Variants in RPGRIP1 observed in about 807,000 individuals in gnomAD.
The protein encoded by RPGRIP1 is RPGR interacting protein 1, also known as X-linked retinitis pigmentosa GTPase regulator-interacting protein 1.
In RPGRIP1, 128 loss-of-function variants were observed where a neutral mutation model predicts 157.9. That is an observed-to-expected ratio of 0.81 (90% CI 0.70 to 0.94). The LOEUF is 0.94. Among genes scored for constraint, RPGRIP1 ranks in the 40% least tolerant of loss-of-function variants. The pLI is 0.00. For missense variants in RPGRIP1, 1,486 were observed against 1,545.8 expected, an observed-to-expected ratio of 0.96 and a Z score of 0.65; for synonymous variants, 554 against 571.6, an observed-to-expected ratio of 0.97 and a Z score of 0.44.
chr14:21,345,733 C>T (rs1010026725), intron 23 of RPGRIP1, among the ~76,000 whole-genome samples: 4 of 152,086 alleles, frequency 2.6e-5, no homozygotes, highest in Non-Finnish European at 5.9e-5. Context: ...GTTCATTTCT[C>T]ACCCATGCCA....
At chr14:21,281,699 AAAAT>A (rs1340046596) in intron 1 of RPGRIP1, among the ~76,000 whole-genome samples, 3 of 108,426 alleles carry the variant, frequency 2.8e-5, no homozygotes, top group Admixed American at 9.0e-5. Context: ...AAAAAAAAAA[AAAAT>A]AAATAATAAT....
intron 21 of RPGRIP1, among the ~76,000 whole-genome samples, chr14:21,337,738 C>T (rs1290609616): frequency 1.3e-4 from 19 of 149,028 alleles, no homozygotes; most frequent in African/African-American, 2.7e-4. Flanking sequence ...CCACTGCGCC[C>T]GGCCTAGGTT....
chr14:21,327,804 C>G lies in RPGRIP1; in HGVS notation c.2892C>G (p.Ser964=). The G allele has an allele frequency of 6.3e-7, 1 of 1,588,522 alleles. No homozygotes were observed. The highest frequency in any genetic ancestry group is 8.6e-7 in the Non-Finnish European group (1 of 1,167,190). The part of the protein sequence containing the change: ...SSEEEKASFP[S]QDQMASPEVP... ...AAGAGGAAAAGGCTTCATTTCCTTC[C>G]CAGGTAACTCTCCAGGACTCCACAG... Residue 964 remains serine (S), a synonymous_variant, in exon 18 of 25, where the codon TCC becomes TCG. Coordinates refer to ENST00000400017, the MANE Select transcript of RPGRIP1 (RefSeq NM_020366.4).
At chr14:21,343,279 G>A in intron 22 of RPGRIP1, 51 bp downstream of exon 22, 1 of 1,389,918 alleles carries the variant, frequency 7.2e-7, no homozygotes, top group Non-Finnish European at 1.0e-6. Flanking sequence ...TGAACATTGA[G>A]ACTGAGGGTC....
intron 2 of RPGRIP1, among the ~76,000 whole-genome samples, chr14:21,292,300 T>C (rs1348372827): frequency 6.6e-6 from 1 of 150,756 alleles, no homozygotes; most frequent in Non-Finnish European, 1.5e-5. Flanking sequence ...ATTTTGCAGG[T>C]TCTTTGGTTG....
chr14:21,335,211 T>A (rs2139292431), intron 21 of RPGRIP1, among the ~76,000 whole-genome samples: 1 of 152,210 alleles, frequency 6.6e-6, no homozygotes, highest in South Asian at 2.1e-4. Context: ...GATAAAAGGA[T>A]CATTTTCTTG....
intron 20 of RPGRIP1, 85 bp downstream of exon 20, chr14:21,330,472 G>A (rs949819592): frequency 5.0e-6 from 5 of 991,684 alleles, no homozygotes; most frequent in Non-Finnish European, 6.7e-6. Flanking sequence ...TTCAAGAGCA[G>A]CCTGGCCAAC....
chr14:21,300,789 T>A (rs768987306), intron 3 of RPGRIP1, among the ~76,000 whole-genome samples, 177 bp from the exon 4 acceptor site: 19 of 142,540 alleles, frequency 1.3e-4, no homozygotes, highest in Admixed American at 2.3e-4. Context: ...ACAATGGCCC[T>A]GCCCTCAAAG....
chr14:21,315,563 G>T (rs536157759), intron 10 of RPGRIP1, among the ~76,000 whole-genome samples: 4 of 151,876 alleles, frequency 2.6e-5, no homozygotes, highest in South Asian at 4.1e-4. Context: ...AAGGCAGCAG[G>T]GGGTAGATTG....
Position 21,324,641 on chromosome 14 carries a change from G to T in RPGRIP1, c.1786G>T (p.Gly596Cys). The T allele has an allele frequency of 6.2e-7, 1 of 1,613,702 alleles. No individual in the cohort carries two copies. The highest frequency in any genetic ancestry group is 1.1e-5 in the South Asian group (1 of 91,084). ...TSEQLKDVAYGTRPLSLCLET... is the reference protein window; with the variant it reads ...TSEQLKDVAYCTRPLSLCLET... ...AGAACAGCTCAAAGATGTTGCTTAT[G>T]GCACCCGACCGTTGTCGTTATGTTT... The change falls in exon 15 of 25, where the codon GGC (glycine) becomes TGC (cysteine). Residue 596 changes from glycine (G) to cysteine (C), a missense_variant. Gly to Cys is a radical substitution (Grantham distance 159, BLOSUM62 -3). Coordinates refer to ENST00000400017, the MANE Select transcript of RPGRIP1 (RefSeq NM_020366.4).
chr14:21,330,995 T>A (rs1344324956), intron 20 of RPGRIP1, among the ~76,000 whole-genome samples: 1 of 151,866 alleles, frequency 6.6e-6, no homozygotes, highest in Non-Finnish European at 1.5e-5. Flanking sequence ...CTGCAAGCTC[T>A]GCCTCCTGGG....
At chr14:21,317,224 G>T (rs762693438) in intron 10 of RPGRIP1, among the ~76,000 whole-genome samples, 2 of 152,210 alleles carry the variant, frequency 1.3e-5, no homozygotes, top group African/African-American at 4.8e-5. Context: ...GGATACAGTT[G>T]TTGAAAAGTT....
At chr14:21,311,037 A>G in intron 8 of RPGRIP1, 1 of 457,382 alleles carries the variant, frequency 2.2e-6, no homozygotes, top group Non-Finnish European at 4.4e-6. Context: ...TCTGTGCTTA[A>G]GAATCACCAC....
At chr14:21,309,935 A>G (rs1468322553) in intron 7 of RPGRIP1, among the ~76,000 whole-genome samples, 1 of 31,766 alleles carries the variant, frequency 3.1e-5, no homozygotes, top group Non-Finnish European at 1.1e-4. Context: ...ACTAAAATAC[A>G]AAAATTAGGT....
intron 11 of RPGRIP1, among the ~76,000 whole-genome samples, chr14:21,318,768 C>T (rs1399951225): frequency 6.6e-6 from 1 of 152,170 alleles, no homozygotes; most frequent in East Asian, 1.9e-4. Context: ...AGCCACTACA[C>T]CTGGCTGAAA....
At chr14:21,344,189 G>T (rs1437003617) in intron 22 of RPGRIP1, among the ~76,000 whole-genome samples, 2 of 151,664 alleles carry the variant, frequency 1.3e-5, no homozygotes, top group African/African-American at 2.4e-5. Context: ...TGTTATTATG[G>T]ATATGTAAAT....
In RPGRIP1 at chr14:21,324,919, G is replaced by A. The variant is rs755011150; in HGVS notation, c.2064G>A (p.Ser688=). 2.4e-5 allele frequency: 39 copies of A among 1,613,898 alleles called. No individual in the cohort carries two copies. The highest frequency in any genetic ancestry group is 6.7e-5 in the Admixed American group (4 of 60,002). ...CCCAGTATGTGATGGAGACAGATTCGCTTTTCTTACACTACCTTCAAGAGG... is the reference window on the plus strand; with the variant it reads ...CCCAGTATGTGATGGAGACAGATTCACTTTTCTTACACTACCTTCAAGAGG... ...FTSQYVMETD[S]LFLHYLQEAS... Residue 688 remains serine (S), a synonymous_variant, in exon 15 of 25, where the codon TCG becomes TCA. Transcript: ENST00000400017.
intron 1 of RPGRIP1, among the ~76,000 whole-genome samples, chr14:21,281,974 A>G (rs1323243794): frequency 1.3e-5 from 2 of 152,036 alleles, no homozygotes. Flanking sequence ...AGGTGCCTGT[A>G]ATCCCAGCTA....
At chr14:21,319,502 A>C (rs1882171255) in intron 11 of RPGRIP1, among the ~76,000 whole-genome samples, 1 of 152,180 alleles carries the variant, frequency 6.6e-6, no homozygotes. Context: ...CATAGGTTGC[A>C]GGGAGCCAAG....
Sources: allele counts gnomAD v4.1 joint callset (sites outside exome capture counted in the v4.1 genomes callset), GRCh38; gene constraint gnomAD v4.1.1; transcripts MANE v1.5; gene names NCBI Gene and HGNC (gene_info 2026-07-23, HGNC 2026-07-21).